Variants in FGF12 observed in about 807,000 individuals in gnomAD.
FGF12 encodes fibroblast growth factor 12.
Under a neutral mutation model 23.6 loss-of-function variants are expected in FGF12, and 14 were observed. The ratio of observed to expected loss-of-function variants is 0.59; its 90% CI spans 0.39 to 0.93. The LOEUF (loss-of-function observed/expected upper bound fraction) is 0.93. Among genes scored for constraint, FGF12 ranks in the 40% least tolerant of loss-of-function variants. The pLI, the probability that FGF12 is intolerant of heterozygous loss-of-function variation, is 0.00. For missense variants in FGF12, 175 were observed against 217.8 expected (o/e 0.80, Z 1.24); for synonymous variants, 62 against 77.3 (o/e 0.80, Z 1.04).
intron 2 of FGF12, among the ~76,000 whole-genome samples, chr3:192,425,497 T>C (rs1721664106): frequency 6.6e-6 from 1 of 152,182 alleles, no homozygotes; most frequent in African/African-American, 2.4e-5. Flanking sequence ...GTGGAAGTCC[T>C]CCAGGGCAGC....
chr3:192,718,988 T>TAA (rs540587523), intron 2 of FGF12, among the ~76,000 whole-genome samples: 5 of 142,276 alleles, frequency 3.5e-5, no homozygotes, highest in African/African-American at 1.0e-4. Flanking sequence ...CAAACCGAGT[T>TAA]AAAAAAAAAA....
At chr3:192,231,719 G>A (rs1719031313) in intron 4 of FGF12, among the ~76,000 whole-genome samples, 1 of 151,848 alleles carries the variant, frequency 6.6e-6, no homozygotes, top group African/African-American at 2.4e-5. Flanking sequence ...GCAGTGAGCC[G>A]TGAAGGTGCC....
chr3:192,618,081 G>C (rs566030647), intron 2 of FGF12, among the ~76,000 whole-genome samples: 1 of 152,210 alleles, frequency 6.6e-6, no homozygotes, highest in South Asian at 2.1e-4. Flanking sequence ...AAATCGCTTG[G>C]AATGGAAGTA....
chr3:192,249,700 A>C (rs752698369), intron 4 of FGF12, among the ~76,000 whole-genome samples: 26 of 152,218 alleles, frequency 1.7e-4, no homozygotes, highest in Non-Finnish European at 2.9e-4. Context: ...TAGTAACTTC[A>C]GAATGGAAAG....
chr3:192,182,249 CT>C (rs34614169), intron 4 of FGF12, among the ~76,000 whole-genome samples: 27,487 of 147,704 alleles, frequency 0.19, 2,667 homozygotes, highest in South Asian at 0.31. Flanking sequence ...AAGAAATAGA[CT>C]TTTTTTTTTT....
At chr3:192,617,192 T>C (rs1403202799) in intron 2 of FGF12, among the ~76,000 whole-genome samples, 2 of 152,058 alleles carry the variant, frequency 1.3e-5, no homozygotes, top group Non-Finnish European at 2.9e-5. Flanking sequence ...GATTTCTAGG[T>C]AAGCTTTTAA....
At position 192,447,422 on chromosome 3, in the gene FGF12, A is replaced by G. The variant is rs2108799860; in HGVS notation, c.14-86884T>C. Among the ~76,000 whole-genome samples the G allele has an allele frequency of 1.3e-5, 2 of 152,364 alleles. 1 individual carries two copies. Among genetic ancestry groups the G allele is most frequent in the South Asian group, 4.1e-4 (2 of 4,824 alleles). ...TTTTCAATAATTAGTACAGCTGATT[A>G]TTAAAAGTGTTTATACGTTTATTGC... On this transcript the variant is annotated intron_variant, in intron 2 of 5. Coordinates refer to ENST00000445105, the MANE Select transcript of FGF12 (RefSeq NM_004113.6).
At chr3:192,185,155 T>C (rs1716383014) in intron 4 of FGF12, among the ~76,000 whole-genome samples, 1 of 152,224 alleles carries the variant, frequency 6.6e-6, no homozygotes. Context: ...CTCTTTCTCT[T>C]CTGACTCCCG....
In FGF12 at chr3:192,336,386, C is replaced by A. The variant is rs918158081; in HGVS notation, c.125-922G>T. Among the ~76,000 whole-genome samples, 5 of 151,922 alleles carry A rather than the reference C, an allele frequency of 3.3e-5. No individual in the cohort carries two copies. Among genetic ancestry groups the A allele is most frequent in the African/African-American group, 9.7e-5 (4 of 41,384 alleles). On this transcript the variant is annotated intron_variant, in intron 3 of 5. Coordinates refer to ENST00000445105, the MANE Select transcript of FGF12 (RefSeq NM_004113.6). The surrounding 1 kb of genome is among the most constrained non-coding windows in gnomAD (Gnocchi z 4.3). ...TCAGAAAAAAAGATACCTAAGAGAA[C>A]CTTCTATTTTTCTTCCAACAATATT...
At chr3:192,646,924 T>C (rs1438842849) in intron 2 of FGF12, among the ~76,000 whole-genome samples, 2 of 152,174 alleles carry the variant, frequency 1.3e-5, no homozygotes, top group African/African-American at 4.8e-5. Context: ...TTGCATCCTG[T>C]TAGTGTCAAT....
At chr3:192,696,493 T>C (rs544330605) in intron 2 of FGF12, among the ~76,000 whole-genome samples, 1 of 152,232 alleles carries the variant, frequency 6.6e-6, no homozygotes, top group South Asian at 2.1e-4. Context: ...AGGGTTGTTT[T>C]TCTTTCAAAA....
intron 4 of FGF12, among the ~76,000 whole-genome samples, chr3:192,216,539 A>G (rs1718202490): frequency 6.6e-6 from 1 of 152,220 alleles, no homozygotes; most frequent in South Asian, 2.1e-4. Context: ...AAAATTTTTT[A>G]TAACGTGTAA....
chr3:192,176,973 G>A (rs1190309264), intron 4 of FGF12, among the ~76,000 whole-genome samples: 1 of 152,116 alleles, frequency 6.6e-6, no homozygotes, highest in African/African-American at 2.4e-5. Flanking sequence ...TACTAATAAT[G>A]TTTGTAAAAC....
chr3:192,614,249 T>C (rs890681533), intron 2 of FGF12, among the ~76,000 whole-genome samples: 4 of 151,942 alleles, frequency 2.6e-5, no homozygotes, highest in African/African-American at 9.7e-5. Flanking sequence ...TTAAAGCTAA[T>C]TTTTTTCTTT....
At chr3:192,696,519 G>A (rs2060444147) in intron 2 of FGF12, among the ~76,000 whole-genome samples, 1 of 152,102 alleles carries the variant, frequency 6.6e-6, no homozygotes, top group South Asian at 2.1e-4. Flanking sequence ...TACATTGCAG[G>A]CATGCTATGA....
At chr3:192,338,707 A>G (rs1464813821) in intron 3 of FGF12, among the ~76,000 whole-genome samples, 1 of 152,142 alleles carries the variant, frequency 6.6e-6, no homozygotes, top group Admixed American at 6.5e-5. Flanking sequence ...CCAACATTCA[A>G]TTACCCAGGT....
intron 4 of FGF12, among the ~76,000 whole-genome samples, chr3:192,306,126 G>A (rs969550789): frequency 6.6e-6 from 1 of 151,808 alleles, no homozygotes; most frequent in Non-Finnish European, 1.5e-5. Context: ...GTTTTTATGT[G>A]GATCCAGTGT....
At chr3:192,657,419 T>C (rs1266649564) in intron 2 of FGF12, among the ~76,000 whole-genome samples, 1 of 78,622 alleles carries the variant, frequency 1.3e-5, no homozygotes, top group Non-Finnish European at 2.9e-5. Context: ...GAGAGAACTA[T>C]TAAAAAAAAA....
chr3:192,507,670 C>T (rs1367491735), intron 2 of FGF12, among the ~76,000 whole-genome samples: 1 of 152,070 alleles, frequency 6.6e-6, no homozygotes, highest in East Asian at 1.9e-4. Context: ...TTAGGTAATC[C>T]CCAGGCTGCT....
Sources: allele counts gnomAD v4.1 joint callset (sites outside exome capture counted in the v4.1 genomes callset), GRCh38; gene constraint gnomAD v4.1.1; non-coding constraint Gnocchi (gnomAD v3.1); transcripts MANE v1.5; gene names NCBI Gene and HGNC (gene_info 2026-07-23, HGNC 2026-07-21).